Variants in ARNT2 observed in about 807,000 individuals in gnomAD.
The protein encoded by ARNT2 is ARNT protein 2.
ARNT2 carries 36 observed loss-of-function variants against 91.7 expected under a neutral mutation model. That is an observed-to-expected ratio of 0.39 (90% CI 0.30 to 0.52). The LOEUF (loss-of-function observed/expected upper bound fraction) is 0.52. Among genes scored for constraint, ARNT2 ranks in the 20% least tolerant of loss-of-function variants. The probability of loss-of-function intolerance (pLI) is 0.72; values close to 1 mark genes in which losing one functional copy is unlikely to be tolerated. For missense variants in ARNT2, 775 were observed against 939.3 expected, an observed-to-expected ratio of 0.83 and a Z score of 2.29; for synonymous variants, 365 against 347.1, an observed-to-expected ratio of 1.05 and a Z score of -0.57.
intron 5 of ARNT2, among the ~76,000 whole-genome samples, chr15:80,500,680 T>G (rs1042461956): frequency 6.6e-6 from 1 of 152,224 alleles, no homozygotes; most frequent in African/African-American, 2.4e-5. Context: ...TTCTGGAATC[T>G]TTATATCTTC....
intron 8 of ARNT2, among the ~76,000 whole-genome samples, chr15:80,529,476 A>G (rs1379592692): frequency 1.3e-5 from 2 of 149,656 alleles, no homozygotes; most frequent in Non-Finnish European, 3.0e-5. Flanking sequence ...ACCAGCTTTT[A>G]TTATTTTTTT....
rs773189121 is a variant in ARNT2, at chr15:80,576,980, G to T, written c.1613+15G>T. 3 of 1,612,158 alleles carry T rather than the reference G, an allele frequency of 1.9e-6. No homozygotes were observed. Among genetic ancestry groups the T allele is most frequent in the Non-Finnish European group, 2.5e-6 (3 of 1,178,478 alleles). On this transcript the variant is annotated intron_variant, in intron 15 of 18. Coordinates refer to ENST00000303329, the MANE Select transcript of ARNT2 (RefSeq NM_014862.4). ...AAGGCCTTCAGGTATGTGCCAGCGAGGGGGACAATGGCGTGGGAAGATGCT... is the reference window on the plus strand; with the variant it reads ...AAGGCCTTCAGGTATGTGCCAGCGATGGGGACAATGGCGTGGGAAGATGCT...
At chr15:80,408,282 AG>A (rs1567172105) in intron 1 of ARNT2, among the ~76,000 whole-genome samples, 2 of 152,328 alleles carry the variant, frequency 1.3e-5, no homozygotes, top group Admixed American at 1.3e-4. Context: ...TCTTGACCTC[AG>A]GGGGTTCTAA....
At chr15:80,494,252 CT>C (rs1335880060) in intron 5 of ARNT2, among the ~76,000 whole-genome samples, 1 of 152,122 alleles carries the variant, frequency 6.6e-6, no homozygotes, top group East Asian at 1.9e-4. Flanking sequence ...GCCCCTTTTA[CT>C]GTTTTTCTTC....
At chr15:80,545,516 T>C (rs186437932) in intron 8 of ARNT2, among the ~76,000 whole-genome samples, 3 of 152,268 alleles carry the variant, frequency 2.0e-5, no homozygotes, top group Non-Finnish European at 1.5e-5. Flanking sequence ...CTAGGAGTGA[T>C]ATAGACGACA....
intron 4 of ARNT2, among the ~76,000 whole-genome samples, chr15:80,471,461 G>A (rs1050329534): frequency 5.3e-5 from 8 of 152,130 alleles, no homozygotes; most frequent in African/African-American, 1.4e-4. Flanking sequence ...GAAATAATTT[G>A]TATAACAAAT....
At chr15:80,576,701 A>T (rs1418579584) in intron 14 of ARNT2, among the ~76,000 whole-genome samples, 165 bp from the exon 15 acceptor site, 2 of 152,182 alleles carry the variant, frequency 1.3e-5, no homozygotes, top group Non-Finnish European at 2.9e-5. Flanking sequence ...TCCAGGGGAG[A>T]TGAGGAGGCA....
intron 1 of ARNT2, among the ~76,000 whole-genome samples, chr15:80,419,807 T>C (rs1895836410): frequency 6.6e-6 from 1 of 152,212 alleles, no homozygotes; most frequent in African/African-American, 2.4e-5. Flanking sequence ...CCATGGTATT[T>C]GGAAGATAAA....
chr15:80,478,849 G>A lies in ARNT2; in HGVS notation c.622+3626G>A, dbSNP rs1347429354. Among the ~76,000 whole-genome samples the A allele has an allele frequency of 2.6e-5, 4 of 152,186 alleles. No homozygotes were observed. In the East Asian group the frequency reaches 5.8e-4, roughly 22 times the overall value. The stretch of plus-strand genomic sequence containing the variant: ...TTAAAATTGTATTAAAAGGCCTCAG[G>A]TGTGGTTTAATGCCTTCAATTATTG... On this transcript the variant is annotated intron_variant, in intron 5 of 18. Coordinates refer to ENST00000303329, the MANE Select transcript of ARNT2 (RefSeq NM_014862.4).
chr15:80,543,062 A>G (rs1016766001), intron 8 of ARNT2, among the ~76,000 whole-genome samples: 1 of 139,924 alleles, frequency 7.1e-6, no homozygotes. Flanking sequence ...GCGCCACTGC[A>G]CTCCAGCCTG....
At chr15:80,465,557 T>C (rs937888428) in intron 3 of ARNT2, among the ~76,000 whole-genome samples, 1 of 152,126 alleles carries the variant, frequency 6.6e-6, no homozygotes, top group Non-Finnish European at 1.5e-5. Context: ...CAGTGAGGTG[T>C]AGTGACCAGT....
At chr15:80,452,988 T>C (rs1896423601) in intron 2 of ARNT2, among the ~76,000 whole-genome samples, 1 of 152,136 alleles carries the variant, frequency 6.6e-6, no homozygotes, top group Admixed American at 6.5e-5. Context: ...CCCAGGGTGG[T>C]CTTGAACTCC....
intron 6 of ARNT2, among the ~76,000 whole-genome samples, chr15:80,510,817 A>G (rs1897330896): frequency 6.6e-6 from 1 of 152,084 alleles, no homozygotes; most frequent in Non-Finnish European, 1.5e-5. Flanking sequence ...ACAGAGCAAG[A>G]CTCCATCTCA....
intron 5 of ARNT2, among the ~76,000 whole-genome samples, chr15:80,479,667 G>A (rs1271296153): frequency 1.3e-5 from 2 of 152,270 alleles, no homozygotes; most frequent in African/African-American, 4.8e-5. Context: ...TGAAATGGAG[G>A]CAGATTGGAG....
At chr15:80,540,956 GCA>G (rs1247861004) in intron 8 of ARNT2, among the ~76,000 whole-genome samples, 2 of 152,034 alleles carry the variant, frequency 1.3e-5, no homozygotes, top group Non-Finnish European at 2.9e-5. Flanking sequence ...TGTGATGAGG[GCA>G]CATGTCTTTT....
intron 4 of ARNT2, among the ~76,000 whole-genome samples, chr15:80,474,327 C>T (rs1896770356): frequency 6.6e-6 from 1 of 152,170 alleles, no homozygotes; most frequent in African/African-American, 2.4e-5. Flanking sequence ...ATCCTCTTCT[C>T]ACTGTAAAGT....
chr15:80,582,027 G>T (rs1253088771), intron 17 of ARNT2, among the ~76,000 whole-genome samples: 4 of 152,192 alleles, frequency 2.6e-5, no homozygotes, highest in African/African-American at 9.7e-5. Context: ...CCAAGCTGGT[G>T]CCTGCTTTCT....
At chr15:80,589,009 A>G (rs561270171) in intron 17 of ARNT2, among the ~76,000 whole-genome samples, 2 of 152,298 alleles carry the variant, frequency 1.3e-5, no homozygotes, top group East Asian at 1.9e-4. Flanking sequence ...GAATAAATGA[A>G]TGAGTCAGTT....
At chr15:80,454,396 G>A (rs72747531) in intron 2 of ARNT2, among the ~76,000 whole-genome samples, 33,394 of 152,108 alleles carry the variant, frequency 0.22, 4,017 homozygotes, top group Non-Finnish European at 0.27. Flanking sequence ...CTTGGAGTCC[G>A]ATGCTGGGCT....
Sources: allele counts gnomAD v4.1 joint callset (sites outside exome capture counted in the v4.1 genomes callset), GRCh38; gene constraint gnomAD v4.1.1; transcripts MANE v1.5; gene names NCBI Gene and HGNC (gene_info 2026-07-23, HGNC 2026-07-21).